Variants in EPHB1 observed in about 807,000 individuals in gnomAD.
EPHB1 encodes the protein ephrin type-B receptor 1.
A neutral mutation model predicts 94.4 loss-of-function variants in EPHB1; 30 were observed. The observed-to-expected ratio is 0.32, with a 90% CI of 0.24 to 0.43. The LOEUF (loss-of-function observed/expected upper bound fraction) is 0.43, where lower values mean the gene tolerates loss of function less well. Ranked by LOEUF, EPHB1 falls within the 20% of genes least tolerant of loss-of-function variation. The pLI is 1.00. For synonymous variants in EPHB1, 522 were observed against 489.1 expected (o/e 1.07, Z -0.89); for missense variants, 1,055 against 1,308.3 (o/e 0.81, Z 2.99).
chr3:135,095,608 G>A (rs559897352), intron 3 of EPHB1, among the ~76,000 whole-genome samples: 15 of 152,220 alleles, frequency 9.9e-5, no homozygotes, highest in South Asian at 4.1e-4. Flanking sequence ...GCCATGGGCC[G>A]AGTGGGTGAC....
chr3:134,906,835 G>A (rs1007746428), intron 1 of EPHB1, among the ~76,000 whole-genome samples: 24 of 152,218 alleles, frequency 1.6e-4, no homozygotes, highest in African/African-American at 5.8e-4. Flanking sequence ...GCAGCCCAGA[G>A]GCTATCACCC....
At chr3:135,245,348 G>A (rs75765034) in intron 13 of EPHB1, among the ~76,000 whole-genome samples, 1 of 152,064 alleles carries the variant, frequency 6.6e-6, no homozygotes, top group African/African-American at 2.4e-5. Context: ...AGCCTTCCAA[G>A]GTCTATGCAC....
intron 3 of EPHB1, among the ~76,000 whole-genome samples, chr3:135,096,501 C>G (rs987057091): frequency 3.9e-5 from 6 of 152,288 alleles, no homozygotes; most frequent in African/African-American, 1.4e-4. Context: ...TCTATACGTT[C>G]CCAGGTGGCA....
At chr3:135,139,441 G>T (rs1335745573) in intron 5 of EPHB1, among the ~76,000 whole-genome samples, 1 of 152,174 alleles carries the variant, frequency 6.6e-6, no homozygotes, top group South Asian at 2.1e-4. Context: ...GCAAGTACTG[G>T]CTCAAGGGTA....
chr3:135,114,752 A>AATAC (rs1466859996), intron 4 of EPHB1, among the ~76,000 whole-genome samples: 2 of 150,306 alleles, frequency 1.3e-5, no homozygotes, highest in Non-Finnish European at 3.0e-5. Flanking sequence ...TAAATAAATA[A>AATAC]ATAAATAAAT....
chr3:135,005,507 C>T (rs931000425), intron 3 of EPHB1, among the ~76,000 whole-genome samples: 15 of 152,342 alleles, frequency 9.8e-5, no homozygotes, highest in African/African-American at 3.4e-4. Context: ...TTCCTGGCTG[C>T]TTTGTTTACC....
chr3:135,024,038 G>A lies in EPHB1; in HGVS notation c.805+71986G>A, dbSNP rs554668840. 6.6e-5 allele frequency among the ~76,000 whole-genome samples: 10 copies of A among 152,236 alleles called. No individual in the cohort carries two copies. The East Asian group carries it at 1.2e-3, about 18-fold the overall frequency. The stretch of plus-strand genomic sequence containing the variant: ...TTGGGCCAAACTGAAAAGGGGCCCC[G>A]CTGCAACTTTAAATACATGTAATCA... On this transcript the variant is annotated intron_variant, in intron 3 of 15. Coordinates refer to ENST00000398015, the MANE Select transcript of EPHB1 (RefSeq NM_004441.5).
intron 4 of EPHB1, among the ~76,000 whole-genome samples, chr3:135,106,854 A>G (rs1172776784): frequency 6.6e-6 from 1 of 152,120 alleles, no homozygotes; most frequent in Non-Finnish European, 1.5e-5. Context: ...CTCCCACCCC[A>G]GCAAGATAAC....
intron 3 of EPHB1, among the ~76,000 whole-genome samples, chr3:134,965,796 C>T (rs150638673): frequency 2.0e-5 from 3 of 152,090 alleles, no homozygotes; most frequent in African/African-American, 4.8e-5. Flanking sequence ...TGGAGGCTAC[C>T]GATTGACTAC....
chr3:134,879,011 G>A (rs539727650), intron 1 of EPHB1, among the ~76,000 whole-genome samples: 14 of 152,194 alleles, frequency 9.2e-5, no homozygotes, highest in Non-Finnish European at 1.9e-4. Context: ...TAATCAGAGG[G>A]ATGGAAAAGG....
chr3:134,877,685 C>G (rs2037644541), intron 1 of EPHB1, among the ~76,000 whole-genome samples: 1 of 152,184 alleles, frequency 6.6e-6, no homozygotes, highest in African/African-American at 2.4e-5. Context: ...AACACCTTCC[C>G]CCTCTCACTG....
At position 134,859,391 on chromosome 3, in the gene EPHB1, G is replaced by C. The variant is rs531896587; in HGVS notation, c.58+63702G>C. On this transcript the variant is annotated intron_variant, in intron 1 of 15. Coordinates refer to ENST00000398015, the MANE Select transcript of EPHB1 (RefSeq NM_004441.5). The stretch of plus-strand genomic sequence containing the variant: ...CAGCCATCCTGCTGGATGTTAACTT[G>C]GGAGCAGAAAGAGATTTCTAGCTTG... Among the ~76,000 whole-genome samples the C allele has an allele frequency of 2.6e-5, 4 of 152,326 alleles. No individual in the cohort carries two copies. In the East Asian group the frequency reaches 7.7e-4, roughly 29 times the overall value.
chr3:135,155,984 A>G (rs1941341586), intron 6 of EPHB1, among the ~76,000 whole-genome samples: 1 of 151,956 alleles, frequency 6.6e-6, no homozygotes, highest in Non-Finnish European at 1.5e-5. Flanking sequence ...GTAAAAGCAG[A>G]GGGCTGTTGA....
At chr3:135,237,037 A>G (rs1004537505) in intron 12 of EPHB1, among the ~76,000 whole-genome samples, 1 of 152,104 alleles carries the variant, frequency 6.6e-6, no homozygotes, top group Admixed American at 6.5e-5. Flanking sequence ...CATTGAGAGT[A>G]GGGCTGAGGC....
intron 3 of EPHB1, among the ~76,000 whole-genome samples, chr3:134,976,388 C>A (rs756154880): frequency 6.6e-6 from 1 of 152,194 alleles, no homozygotes; most frequent in Non-Finnish European, 1.5e-5. Flanking sequence ...CAGCACTGGG[C>A]AGGGTCAATT....
chr3:135,143,802 T>C (rs1940911687), intron 5 of EPHB1, among the ~76,000 whole-genome samples: 1 of 152,112 alleles, frequency 6.6e-6, no homozygotes, highest in Non-Finnish European at 1.5e-5. Flanking sequence ...GGTTGCAGGG[T>C]CACAGAATGC....
At chr3:134,977,331 A>G (rs1159212942) in intron 3 of EPHB1, among the ~76,000 whole-genome samples, 3 of 152,208 alleles carry the variant, frequency 2.0e-5, no homozygotes, top group East Asian at 1.9e-4. Flanking sequence ...CAGAAAATCC[A>G]TCTTCACGAA....
intron 9 of EPHB1, among the ~76,000 whole-genome samples, chr3:135,177,992 C>G (rs1001218616): frequency 6.6e-6 from 1 of 152,136 alleles, no homozygotes; most frequent in Non-Finnish European, 1.5e-5. Flanking sequence ...CTCTCAATTT[C>G]CTTTGTCCAA....
At chr3:135,111,881 T>C (rs1007660305) in intron 4 of EPHB1, among the ~76,000 whole-genome samples, 1 of 152,190 alleles carries the variant, frequency 6.6e-6, no homozygotes, top group Admixed American at 6.5e-5. Context: ...GGTTTCACCA[T>C]GTTGGTCAGG....
Sources: gnomAD v4.1 joint callset for allele counts (sites outside exome capture counted in the v4.1 genomes callset) on GRCh38, gnomAD v4.1.1 for gene constraint, MANE v1.5 for transcripts, NCBI Gene and HGNC (gene_info 2026-07-23, HGNC 2026-07-21) for gene names.